GLDC: variants seen among roughly 807,000 people sequenced by gnomAD.
GLDC encodes glycine dehydrogenase (decarboxylating), mitochondrial.
A neutral mutation model predicts 121.3 loss-of-function variants in GLDC; 104 were observed. The ratio of observed to expected loss-of-function variants is 0.86; its 90% confidence interval spans 0.73 to 1.01. The LOEUF (loss-of-function observed/expected upper bound fraction) is 1.01. Among genes scored for constraint, GLDC ranks in the 50% least tolerant of loss-of-function variants. GLDC has a pLI of 0.00. For missense variants in GLDC, 1,429 were observed against 1,306.6 expected (o/e 1.09, Z -1.44); for synonymous variants, 546 against 480.6 (o/e 1.14, Z -1.78).
rs749512886 is a variant in GLDC at position 6,533,117 on chromosome 9, C to T, written c.2963G>A (p.Arg988Gln). 2.5e-5 allele frequency: 41 copies of T among 1,612,126 alleles called. No individual in the cohort carries two copies. The highest frequency in any genetic ancestry group is 3.0e-5 in the Non-Finnish European group (35 of 1,178,388). ...CTGATCTCCATATATGTCATCAATC[C>T]GGGCAATCGTTGGCCAGAATTTGTT... is the stretch of plus-strand genomic sequence containing the variant. ...PENKFWPTIA[R>Q]IDDIYGDQHL... The change falls in exon 25 of 25, where the codon CGG becomes CAG. Residue 988 changes from arginine to glutamine, a missense_variant. Arg to Gln is a conservative substitution (Grantham distance 43, BLOSUM62 1). Transcript: ENST00000321612.
At chr9:6,599,592 G>A (rs150658600) in intron 8 of GLDC, among the ~76,000 whole-genome samples, 1,702 of 151,884 alleles carry the variant, frequency 0.011, 24 homozygotes, top group African/African-American at 0.039. Flanking sequence ...ATGGTGGCAG[G>A]CGCCTGTAAT....
Position 6,593,100 on chromosome 9 carries a change from T to C in GLDC, c.1262-110A>G, listed in dbSNP as rs1022976304. 7.7e-6 allele frequency: 9 copies of C among 1,169,036 alleles called. No individual in the cohort carries two copies. In the African/African-American group the frequency reaches 1.4e-4, roughly 18 times the overall value. 72.4% of individuals were successfully genotyped at this position (1,169,036 alleles called of 1,614,324 possible). ...AATTCTACTAGACTCTTGTTGGTCC[T>C]GGGGAGTGCTTTGGTGATTGCTTTT... On this transcript the variant is annotated intron_variant, in intron 9 of 24. Coordinates refer to ENST00000321612, the MANE Select transcript of GLDC (RefSeq NM_000170.3).
chr9:6,606,767 G>C (rs1347819201), intron 4 of GLDC, 98 bp from the exon 5 acceptor site: 3 of 814,686 alleles, frequency 3.7e-6, no homozygotes, highest in Admixed American at 1.7e-5. Context: ...GTAAGTCTAA[G>C]CACAGTATAA....
chr9:6,610,310 G>T lies in GLDC; in HGVS notation c.517C>A (p.Leu173Met), dbSNP rs755787032. ...PYQPEVSQGR[L>M]ESLLNYQTMV... ...GTCTGGTAGTTGAGTAAACTCTCCA[G>T]CCTCCCCTGAGACACCTCAGGCTGG... The change falls in exon 4 of 25, where the codon CTG becomes ATG. Residue 173 changes from leucine (L) to methionine (M), a missense_variant. Physicochemically the swap from Leu to Met is conservative, Grantham distance 15. Coordinates refer to ENST00000321612, the MANE Select transcript of GLDC (RefSeq NM_000170.3). 1.2e-6 allele frequency: 2 copies of T among 1,613,830 alleles called. No homozygotes were observed. Among genetic ancestry groups the T allele is most frequent in the Non-Finnish European group, 1.7e-6 (2 of 1,179,756 alleles).
At chr9:6,574,458 C>G (rs1483362217) in intron 15 of GLDC, among the ~76,000 whole-genome samples, 1 of 149,646 alleles carries the variant, frequency 6.7e-6, no homozygotes, top group Non-Finnish European at 1.5e-5. Context: ...CACAGCAAGA[C>G]TCCGTCTCAA....
intron 21 of GLDC, among the ~76,000 whole-genome samples, chr9:6,543,183 G>A (rs1332403971): frequency 1.3e-5 from 2 of 152,128 alleles, no homozygotes; most frequent in Admixed American, 6.6e-5. Context: ...GCTGAGGTGG[G>A]AGAATCGCTT....
At chr9:6,617,555 A>T (rs10975694) in intron 3 of GLDC, among the ~76,000 whole-genome samples, 12,603 of 152,268 alleles carry the variant, frequency 0.083, 987 homozygotes, top group East Asian at 0.42. Context: ...ACCACAATGA[A>T]AAAGAAGCCT....
intron 8 of GLDC, among the ~76,000 whole-genome samples, chr9:6,597,347 T>C (rs1818510498): frequency 1.3e-5 from 2 of 152,190 alleles, no homozygotes; most frequent in Admixed American, 1.3e-4. Context: ...TTGAGCTGTA[T>C]ACTTGCAATT....
chr9:6,605,062 G>C, intron 6 of GLDC, 69 bp downstream of exon 6: 1 of 1,374,158 alleles, frequency 7.3e-7, no homozygotes, highest in Non-Finnish European at 1.0e-6. Context: ...AAGACAGAGA[G>C]AGAGATAGGT....
chr9:6,550,961 C>G (rs753451900), intron 20 of GLDC, 47 bp from the exon 21 acceptor site: 34 of 1,269,916 alleles, frequency 2.7e-5, no homozygotes, highest in East Asian at 2.1e-4. Flanking sequence ...CAGGCAAACA[C>G]GAATGTGAAG....
chr9:6,645,141 C>G, intron 1 of GLDC, 104 bp downstream of exon 1: 6 of 1,214,764 alleles, frequency 4.9e-6, no homozygotes, highest in Non-Finnish European at 6.8e-6. Context: ...GTGCGGGGAC[C>G]ACGCGGAGCG....
intron 21 of GLDC, among the ~76,000 whole-genome samples, chr9:6,543,930 T>A (rs1468573945): frequency 4.9e-5 from 7 of 142,318 alleles, no homozygotes; most frequent in African/African-American, 1.6e-4. Flanking sequence ...AAACGTTGGG[T>A]GGCTATCTAA....
At chr9:6,592,036 A>C in intron 11 of GLDC, 107 bp downstream of exon 11, 1 of 761,144 alleles carries the variant, frequency 1.3e-6, no homozygotes, top group African/African-American at 1.7e-5. Context: ...ACAACAAGCT[A>C]CCAGTGTCAC....
chr9:6,538,836 G>A (rs1461778768), intron 22 of GLDC, among the ~76,000 whole-genome samples: 1 of 152,220 alleles, frequency 6.6e-6, no homozygotes, highest in Non-Finnish European at 1.5e-5. Flanking sequence ...GAGGCTGTCA[G>A]GGGAAAGGAG....
chr9:6,609,112 C>T (rs1054840716), intron 4 of GLDC, among the ~76,000 whole-genome samples: 1 of 152,142 alleles, frequency 6.6e-6, no homozygotes, highest in Non-Finnish European at 1.5e-5. Context: ...TGCGTCTTTC[C>T]CAACCAGATG....
At chr9:6,637,125 G>A (rs536662478) in intron 2 of GLDC, among the ~76,000 whole-genome samples, 35 of 151,244 alleles carry the variant, frequency 2.3e-4, no homozygotes, top group Admixed American at 1.9e-3. Context: ...AATGGCTCAC[G>A]CCTGTAATGC....
chr9:6,604,743 G>A lies in GLDC; in HGVS notation c.903C>T (p.Ile301=), dbSNP rs1818695265. ...CCATDLLALC[I]LRPPGEFGVD... is the part of the protein sequence containing the mutation. ...CCCCAAATTCTCCAGGTGGCCTCAA[G>A]ATGCACAAAGCTAAAAGGTCAGTAG... The change falls in exon 7 of 25, where the codon ATC becomes ATT. Residue 301 remains isoleucine (I), a synonymous_variant. Transcript: ENST00000321612. 6.2e-7 allele frequency: 1 copy of A among 1,614,156 alleles called. No individual in the cohort carries two copies. The highest frequency in any genetic ancestry group is 8.5e-7 in the Non-Finnish European group (1 of 1,179,996).
chr9:6,623,444 C>T (rs1213571196), intron 2 of GLDC, among the ~76,000 whole-genome samples: 1 of 148,692 alleles, frequency 6.7e-6, no homozygotes, highest in Non-Finnish European at 1.5e-5. Flanking sequence ...CATCACCACT[C>T]CGTAATCTCA....
chr9:6,597,593 A>T (rs1280081763), intron 8 of GLDC, among the ~76,000 whole-genome samples: 1 of 152,122 alleles, frequency 6.6e-6, no homozygotes, highest in African/African-American at 2.4e-5. Context: ...TATATTAAAA[A>T]TAAGAAAAGC....
Sources: gnomAD v4.1 joint callset for allele counts (sites outside exome capture counted in the v4.1 genomes callset) on GRCh38, gnomAD v4.1.1 for gene constraint, MANE v1.5 for transcripts, NCBI Gene and HGNC (gene_info 2026-07-23, HGNC 2026-07-21) for gene names.